Variants in C12orf76 observed in about 807,000 individuals in gnomAD.
C12orf76 encodes uncharacterized protein C12orf76.
In C12orf76, 6 loss-of-function variants were observed where a neutral mutation model predicts 6.8. The ratio of observed to expected loss-of-function variants is 0.88; its 90% CI spans 0.48 to 1.73. The LOEUF is 1.73. C12orf76 is among the 40% of genes most tolerant of loss of function. The pLI is 0.01. For synonymous variants in C12orf76, 56 were observed against 43.7 expected (o/e 1.28, Z -1.11); for missense variants, 99 against 98.2 (o/e 1.01, Z -0.03).
Position 110,059,190 on chromosome 12 carries a change from CAATT to C in C12orf76, n.381-31_381-28del, listed in dbSNP as rs1566077265. 10 of 1,534,982 alleles carry C rather than the reference CAATT, an allele frequency of 6.5e-6. No individual in the cohort carries two copies. In the Admixed American group the frequency reaches 8.3e-5, roughly 13 times the overall value. On this transcript the variant is annotated intron_variant and non_coding_transcript_variant, in intron 2 of 4. Transcript: ENST00000309050. ...TGGTGTAAAAAAAAATGCACACACA[CAATT>C]AATTTTTGTGTGTTGATCTTGTTCC...
intron 2 of C12orf76, chr12:110,065,821 T>A: frequency 6.2e-7 from 1 of 1,614,144 alleles, no homozygotes; most frequent in Non-Finnish European, 8.5e-7. Context: ...ACTCTTCCCC[T>A]GTCCTGCCCC....
intron 1 of C12orf76, among the ~76,000 whole-genome samples, chr12:110,044,732 G>C (rs1892403013): frequency 6.6e-6 from 1 of 152,078 alleles, no homozygotes; most frequent in South Asian, 2.1e-4. Context: ...CCAGCACTTT[G>C]GGAGGCCAAG....
intron 1 of C12orf76, 122 bp from the exon 2 acceptor site, chr12:110,042,581 C>T: frequency 1.4e-6 from 1 of 719,528 alleles, no homozygotes. Context: ...GCTGTGCAAA[C>T]AGCTGTAAAC....
intron 1 of C12orf76, among the ~76,000 whole-genome samples, chr12:110,046,665 ACT>A (rs1219383042): frequency 1.3e-5 from 2 of 151,940 alleles, no homozygotes; most frequent in Non-Finnish European, 2.9e-5. Flanking sequence ...GTTTCTAAAC[ACT>A]CTCAATTTCT....
upstream of C12orf76, among the ~76,000 whole-genome samples, chr12:110,052,933 T>A (rs568461782): frequency 6.6e-6 from 1 of 152,376 alleles, no homozygotes; most frequent in African/African-American, 2.4e-5. Context: ...CTGGGCGCAG[T>A]GGCTCACGCC....
At chr12:110,042,648 G>C in intron 1 of C12orf76, 189 bp from the exon 2 acceptor site, 1 of 700,368 alleles carries the variant, frequency 1.4e-6, no homozygotes, top group East Asian at 2.7e-5. Context: ...ACAGATGAGA[G>C]CATTTCACAT....
upstream of C12orf76, chr12:110,051,069 C>A (rs758357228): frequency 2.6e-6 from 2 of 780,294 alleles, no homozygotes; most frequent in Non-Finnish European, 4.8e-6. Flanking sequence ...TCTCCACGAT[C>A]TCCTCTTTCA....
At chr12:110,059,213 T>G in intron 2 of C12orf76, 2 of 1,514,590 alleles carry the variant, frequency 1.3e-6, no homozygotes, top group Non-Finnish European at 1.8e-6. Flanking sequence ...TGTGTTGATC[T>G]TGTTCCTTGC....
chr12:110,071,050 C>T (rs997180393), upstream of C12orf76, among the ~76,000 whole-genome samples: 4 of 152,202 alleles, frequency 2.6e-5, no homozygotes, highest in African/African-American at 9.6e-5. Flanking sequence ...GCTGGGATTA[C>T]AGGCATGAGC....
upstream of C12orf76, among the ~76,000 whole-genome samples, chr12:110,052,117 C>T (rs1229082648): frequency 2.0e-5 from 3 of 147,436 alleles, no homozygotes; most frequent in Non-Finnish European, 4.5e-5. Context: ...ATGATGGTCT[C>T]GATCTCCTGA....
chr12:110,067,150 T>C (rs1892881970), intron 1 of C12orf76, among the ~76,000 whole-genome samples: 1 of 152,238 alleles, frequency 6.6e-6, no homozygotes, highest in African/African-American at 2.4e-5. Flanking sequence ...TTCCCATGGC[T>C]TCTCAACTCA....
intron 2 of C12orf76, among the ~76,000 whole-genome samples, chr12:110,060,785 C>G (rs1323771565): frequency 6.6e-6 from 1 of 152,064 alleles, no homozygotes; most frequent in African/African-American, 2.4e-5. Context: ...CCTGAAATCC[C>G]AGCACTTTGG....
chr12:110,048,595 G>A, upstream of C12orf76: 1 of 1,319,096 alleles, frequency 7.6e-7, no homozygotes, highest in Non-Finnish European at 9.6e-7. Flanking sequence ...CCCTTAGGGC[G>A]CGCGTCATTG....
At chr12:110,058,609 G>A (rs1312894779) in intron 3 of C12orf76, among the ~76,000 whole-genome samples, 6 of 152,114 alleles carry the variant, frequency 3.9e-5, no homozygotes, top group African/African-American at 1.4e-4. Context: ...AGGTTGCAGT[G>A]AGCCGAGATC....
intron 1 of C12orf76, among the ~76,000 whole-genome samples, chr12:110,043,557 A>C (rs945138612): frequency 3.9e-5 from 6 of 152,148 alleles, no homozygotes; most frequent in African/African-American, 1.4e-4. Flanking sequence ...ACTAACTCAC[A>C]AATCTGCTAT....
At chr12:110,068,320 A>AAGAAGG (rs1892915766), upstream of C12orf76, among the ~76,000 whole-genome samples, 1 of 138,658 alleles carries the variant, frequency 7.2e-6, no homozygotes, top group Admixed American at 7.2e-5. Context: ...GAAGAAGAAG[A>AAGAAGG]AGAAGAAGAA....
chr12:110,065,729 T>C, intron 2 of C12orf76: 4 of 1,514,436 alleles, frequency 2.6e-6, no homozygotes, highest in South Asian at 1.1e-5. Context: ...CATGAGAGCT[T>C]CTAGAAACAT....
At chr12:110,066,400 A>C (rs1262245813) in intron 1 of C12orf76, among the ~76,000 whole-genome samples, 1 of 141,814 alleles carries the variant, frequency 7.1e-6, no homozygotes, top group Non-Finnish European at 1.5e-5. Context: ...AAAAAAAAAA[A>C]AAAACGGCTG....
upstream of C12orf76, among the ~76,000 whole-genome samples, chr12:110,068,232 G>GA (rs1423221111): frequency 2.9e-5 from 4 of 138,104 alleles, no homozygotes; most frequent in Non-Finnish European, 4.6e-5. Context: ...AGAAGGAGAA[G>GA]AGAAGAAGAA....
Sources: allele counts gnomAD v4.1 joint callset (sites outside exome capture counted in the v4.1 genomes callset), GRCh38; gene constraint gnomAD v4.1.1; transcripts MANE v1.5; gene names NCBI Gene and HGNC (gene_info 2026-07-23, HGNC 2026-07-21).